NBEA: variants seen among roughly 807,000 people sequenced by gnomAD.
NBEA encodes lysosomal-trafficking regulator 2.
In NBEA, 44 loss-of-function variants were observed where a neutral mutation model predicts 343.4. The ratio of observed to expected loss-of-function variants is 0.13; its 90% CI spans 0.10 to 0.16. The LOEUF (loss-of-function observed/expected upper bound fraction) is 0.16, where lower values mean the gene tolerates loss of function less well. Among genes scored for constraint, NBEA ranks in the 10% least tolerant of loss-of-function variants. NBEA has a pLI of 1.00. For missense variants in NBEA, 2,555 were observed against 3,631.3 expected (o/e 0.70, Z 7.62); for synonymous variants, 1,175 against 1,238.7 (o/e 0.95, Z 1.08).
intron 22 of NBEA, among the ~76,000 whole-genome samples, 187 bp downstream of exon 22, chr13:35,160,219 A>G (rs907039464): frequency 6.6e-6 from 1 of 152,108 alleles, no homozygotes; most frequent in Non-Finnish European, 1.5e-5. Context: ...TCTCAATTAT[A>G]TTTCCAACTC....
At chr13:34,948,936 C>A (rs1455292811) in intron 1 of NBEA, among the ~76,000 whole-genome samples, 1 of 152,082 alleles carries the variant, frequency 6.6e-6, no homozygotes, top group Non-Finnish European at 1.5e-5. Context: ...CCTGTAGCTG[C>A]CATCCAAGAT....
intron 48 of NBEA, among the ~76,000 whole-genome samples, chr13:35,616,027 A>G (rs754161793): frequency 3.9e-5 from 6 of 152,174 alleles, no homozygotes; most frequent in African/African-American, 1.4e-4. Flanking sequence ...AATTCTACAA[A>G]TGGAAGAAAT....
At chr13:35,186,577 T>G (rs189453391) in intron 30 of NBEA, 1 of 152,316 alleles carries the variant, frequency 6.6e-6, no homozygotes, top group Non-Finnish European at 1.5e-5. Flanking sequence ...TTGAGTGTTA[T>G]TGACATAAAA....
At chr13:35,662,358 C>T (rs1166184406) in intron 55 of NBEA, among the ~76,000 whole-genome samples, 1 of 152,202 alleles carries the variant, frequency 6.6e-6, no homozygotes, top group Non-Finnish European at 1.5e-5. Context: ...AGGGGCGGTC[C>T]ACCTGCACCT....
intron 41 of NBEA, among the ~76,000 whole-genome samples, chr13:35,549,815 T>C (rs987338952): frequency 2.0e-5 from 3 of 152,226 alleles, no homozygotes; most frequent in Non-Finnish European, 4.4e-5. Context: ...GGGAATAACA[T>C]TGTCAGGACT....
At chr13:35,645,479 C>A (rs1484200774) in intron 49 of NBEA, among the ~76,000 whole-genome samples, 1 of 152,094 alleles carries the variant, frequency 6.6e-6, no homozygotes, top group Admixed American at 6.6e-5. Flanking sequence ...ATTGTACAGT[C>A]CAGACAGTTT....
At chr13:35,478,964 C>G (rs1162667061) in intron 41 of NBEA, among the ~76,000 whole-genome samples, 1 of 152,230 alleles carries the variant, frequency 6.6e-6, no homozygotes, top group African/African-American at 2.4e-5. Context: ...GAGCCAGGCG[C>G]GCAGGTGGCG....
intron 55 of NBEA, among the ~76,000 whole-genome samples, chr13:35,659,500 A>G (rs2084969145): frequency 6.6e-6 from 1 of 152,242 alleles, no homozygotes; most frequent in Non-Finnish European, 1.5e-5. Flanking sequence ...TGGCAGGTAT[A>G]GAAAGTATGT....
chr13:35,339,135 T>C (rs1459882603), intron 36 of NBEA, among the ~76,000 whole-genome samples: 3 of 152,072 alleles, frequency 2.0e-5, no homozygotes, highest in Non-Finnish European at 4.4e-5. Flanking sequence ...AACATTATAC[T>C]GCAGGTTCTA....
intron 41 of NBEA, among the ~76,000 whole-genome samples, chr13:35,519,682 G>A (rs1157582698): frequency 1.3e-5 from 2 of 151,800 alleles, no homozygotes; most frequent in African/African-American, 2.4e-5. Context: ...TATTTATGGG[G>A]TACATGTGAT....
intron 45 of NBEA, among the ~76,000 whole-genome samples, chr13:35,578,025 C>A (rs148812454): frequency 8.9e-4 from 136 of 152,246 alleles, no homozygotes; most frequent in Middle Eastern, 3.4e-3. Flanking sequence ...ACTCTCAAAG[C>A]CTCTTCTAAG....
At chr13:35,270,337 C>T (rs1040744795) in intron 34 of NBEA, among the ~76,000 whole-genome samples, 4 of 152,122 alleles carry the variant, frequency 2.6e-5, no homozygotes, top group Non-Finnish European at 5.9e-5. Flanking sequence ...CATGATTTGT[C>T]AAGAAGAATG....
At chr13:35,606,355 T>G in intron 47 of NBEA, 71 bp from the exon 48 acceptor site, 1 of 815,064 alleles carries the variant, frequency 1.2e-6, no homozygotes, top group Non-Finnish European at 1.7e-6. Flanking sequence ...GTTAATAAGT[T>G]ATAAGTTAAT....
At chr13:35,622,408 A>G (rs1012842360) in intron 48 of NBEA, among the ~76,000 whole-genome samples, 1 of 152,184 alleles carries the variant, frequency 6.6e-6, no homozygotes, top group Non-Finnish European at 1.5e-5. Flanking sequence ...CAAGCAGGAC[A>G]CCAGACAGAC....
At chr13:35,499,934 T>C (rs1002858725) in intron 41 of NBEA, among the ~76,000 whole-genome samples, 4 of 152,102 alleles carry the variant, frequency 2.6e-5, no homozygotes, top group Admixed American at 6.6e-5. Context: ...GCAATGGTTG[T>C]AGTCATTTTA....
chr13:34,946,809 A>C (rs2059198364), intron 1 of NBEA, among the ~76,000 whole-genome samples: 1 of 147,018 alleles, frequency 6.8e-6, no homozygotes, highest in African/African-American at 2.5e-5. Context: ...ATCTTGGCTT[A>C]TGGATCATGG....
intron 11 of NBEA, 81 bp from the exon 12 acceptor site, chr13:35,109,209 A>C (rs2066066413): frequency 7.9e-7 from 1 of 1,260,514 alleles, no homozygotes; most frequent in East Asian, 2.5e-5. Flanking sequence ...TGAAAAATTC[A>C]TGTGTCCTTA....
chr13:35,029,197 C>T (rs1308245415), intron 1 of NBEA, among the ~76,000 whole-genome samples: 1 of 151,212 alleles, frequency 6.6e-6, no homozygotes, highest in East Asian at 1.9e-4. Context: ...ATATATAACA[C>T]ATATATATGT....
intron 42 of NBEA, 71 bp downstream of exon 42, chr13:35,550,665 A>G: frequency 1.0e-6 from 1 of 953,182 alleles, no homozygotes; most frequent in Non-Finnish European, 1.6e-6. Flanking sequence ...TGGTATGATA[A>G]TGTCTTGATT....
Sources: gnomAD v4.1 joint callset for allele counts (sites outside exome capture counted in the v4.1 genomes callset) on GRCh38, gnomAD v4.1.1 for gene constraint, MANE v1.5 for transcripts, NCBI Gene and HGNC (gene_info 2026-07-23, HGNC 2026-07-21) for gene names.